MGA: variants seen among roughly 807,000 people sequenced by gnomAD.
MGA encodes MAX gene-associated protein.
Under a neutral mutation model 261.1 loss-of-function variants are expected in MGA, and 40 were observed. That is an observed-to-expected ratio of 0.15 (90% CI 0.12 to 0.20). The LOEUF (loss-of-function observed/expected upper bound fraction) is 0.20, where lower values mean the gene tolerates loss of function less well. Among genes scored for constraint, MGA ranks in the 10% least tolerant of loss-of-function variants. MGA has a pLI of 1.00. For synonymous variants in MGA, 1,302 were observed against 1,290.6 expected, an observed-to-expected ratio of 1.01 and a Z score of -0.19; for missense variants, 3,397 against 3,630.5, an observed-to-expected ratio of 0.94 and a Z score of 1.65.
chr15:41,622,091 G>GT (rs1305867788), intron 1 of MGA, among the ~76,000 whole-genome samples: 1 of 152,164 alleles, frequency 6.6e-6, no homozygotes, highest in Non-Finnish European at 1.5e-5. Context: ...CCGGCCTGTG[G>GT]TTTTCCAGCG....
rs17677991 is a variant in MGA at position 41,740,185 on chromosome 15, C to G, written c.4567C>G (p.Pro1523Ala). ...TGGGAAGAATCTGAAGGCGTTTGTCCCAGCAAAACGGCCAATTGGTAAGTT... is the reference window on the plus strand; with the variant it reads ...TGGGAAGAATCTGAAGGCGTTTGTCGCAGCAAAACGGCCAATTGGTAAGTT... The change falls in exon 14 of 24, where the codon CCA becomes GCA. Residue 1523 changes from proline to alanine, a missense_variant. Physicochemically the swap from Pro to Ala is conservative, Grantham distance 27. Around this residue, in one of 9 missense-constraint regions of MGA, gnomAD observed 1,410 missense variants for 1,386.4 expected, o/e 1.02. Coordinates refer to ENST00000219905, the MANE Select transcript of MGA (RefSeq NM_001164273.2). 549,758 of 1,613,328 alleles carry G rather than the reference C, an allele frequency of 0.34. 95,484 individuals carry two copies. Among genetic ancestry groups the G allele is most frequent in the Admixed American group, 0.41 (24,406 of 59,956 alleles).
chr15:41,732,276 T>C (rs930216465), intron 11 of MGA, among the ~76,000 whole-genome samples: 1 of 151,704 alleles, frequency 6.6e-6, no homozygotes, highest in Non-Finnish European at 1.5e-5. Context: ...GCCTCCCGAG[T>C]AGCTGGGACT....
chr15:41,682,783 A>G (rs2058745963), intron 2 of MGA, among the ~76,000 whole-genome samples: 1 of 152,064 alleles, frequency 6.6e-6, no homozygotes, highest in Admixed American at 6.6e-5. Flanking sequence ...ACCCGGCCTC[A>G]TGTACGTTCT....
At chr15:41,743,297 A>T in intron 15 of MGA, 125 bp downstream of exon 15, 1 of 1,213,984 alleles carries the variant, frequency 8.2e-7, no homozygotes. Flanking sequence ...AACATGATAC[A>T]TGTATTCCTG....
intron 1 of MGA, among the ~76,000 whole-genome samples, chr15:41,631,588 G>A (rs1323131519): frequency 2.0e-5 from 3 of 152,170 alleles, no homozygotes; most frequent in Admixed American, 6.5e-5. Flanking sequence ...GTGTGACAGA[G>A]GCACACTTTC....
At chr15:41,672,825 C>T (rs1272595355) in intron 2 of MGA, among the ~76,000 whole-genome samples, 2 of 151,776 alleles carry the variant, frequency 1.3e-5, no homozygotes, top group Admixed American at 1.3e-4. Context: ...ATTTGCCAAC[C>T]TCTGATTTAA....
At chr15:41,659,213 C>T (rs1036836309), upstream of MGA, among the ~76,000 whole-genome samples, 11 of 152,194 alleles carry the variant, frequency 7.2e-5, no homozygotes, top group Admixed American at 7.2e-4. Flanking sequence ...CCAGCAGTTT[C>T]TGTCAATGTT....
intron 2 of MGA, chr15:41,684,303 A>C: frequency 2.4e-6 from 1 of 418,948 alleles, no homozygotes; most frequent in East Asian, 7.1e-5. Flanking sequence ...ACACATTAAT[A>C]TGTAGTGTTA....
chr15:41,650,829 A>G (rs1046433210), intron 1 of MGA, among the ~76,000 whole-genome samples: 3 of 152,254 alleles, frequency 2.0e-5, no homozygotes, highest in Non-Finnish European at 4.4e-5. Context: ...TATCATGAAC[A>G]TCATGGACTT....
In MGA at chr15:41,696,760, G is replaced by C. The variant is rs2059565501; in HGVS notation, c.1750G>C (p.Gly584Arg). ...CTCACTTTCAGGAAAAGAGGACTTG[G>C]GCAGAAAGAGAACAACTATGCTTAA... Residue 584 changes from glycine to arginine, a missense_variant, in exon 3 of 24, where the codon GGC becomes CGC. Gly to Arg is a moderately radical substitution (Grantham distance 125). Transcript: ENST00000219905. 1 of 1,609,758 alleles carries C rather than the reference G, an allele frequency of 6.2e-7. No homozygotes were observed. The highest frequency in any genetic ancestry group is 1.1e-5 in the South Asian group (1 of 90,254).
chr15:41,686,741 TG>T (rs1415533079), intron 2 of MGA, among the ~76,000 whole-genome samples: 1 of 152,170 alleles, frequency 6.6e-6, no homozygotes, highest in Non-Finnish European at 1.5e-5. Context: ...AAATACCATA[TG>T]TTTTTTCTCC....
Position 41,727,322 on chromosome 15 carries a change from A to G in MGA, c.3573A>G (p.Pro1191=). 2 of 1,614,000 alleles carry G rather than the reference A, an allele frequency of 1.2e-6. No individual in the cohort carries two copies. The stretch of plus-strand genomic sequence containing the variant: ...TGAAACCATTGTTATTGCCTCAGCC[A>G]GAAGTTTTATCTCCTACTGTGAAGG... Residue 1191 remains proline, a synonymous_variant, in exon 10 of 24, where the codon CCA becomes CCG. Transcript: ENST00000219905.
intron 22 of MGA, among the ~76,000 whole-genome samples, chr15:41,762,642 A>AT (rs2063548224): frequency 6.6e-6 from 1 of 150,908 alleles, no homozygotes; most frequent in African/African-American, 2.4e-5. Context: ...TGTTTTTTTA[A>AT]TTTTTTAGTA....
chr15:41,682,348 G>A (rs1446708726), intron 2 of MGA, among the ~76,000 whole-genome samples: 1 of 152,058 alleles, frequency 6.6e-6, no homozygotes, highest in Non-Finnish European at 1.5e-5. Flanking sequence ...TACTTCTTCG[G>A]GAGCTCTTTA....
intron 10 of MGA, among the ~76,000 whole-genome samples, 158 bp from the exon 11 acceptor site, chr15:41,729,006 C>A (rs540603637): frequency 6.6e-6 from 1 of 152,214 alleles, no homozygotes; most frequent in Non-Finnish European, 1.5e-5. Flanking sequence ...CCCTAAGGTT[C>A]GGCACATATG....
intron 15 of MGA, among the ~76,000 whole-genome samples, chr15:41,748,436 C>G (rs914639535): frequency 1.2e-4 from 18 of 152,204 alleles, no homozygotes; most frequent in African/African-American, 4.3e-4. Flanking sequence ...CACCTGTAGT[C>G]GCAGCTACTC....
chr15:41,628,820 A>G (rs1414417224), intron 1 of MGA, among the ~76,000 whole-genome samples: 3 of 152,168 alleles, frequency 2.0e-5, no homozygotes. Context: ...TATGTTTTCA[A>G]AACATCGCTT....
intron 11 of MGA, 62 bp from the exon 12 acceptor site, chr15:41,734,460 A>T: frequency 1.5e-6 from 2 of 1,303,344 alleles, no homozygotes; most frequent in Non-Finnish European, 2.2e-6. Flanking sequence ...CTTGTGTCCA[A>T]GTTTCTGTGG....
chr15:41,752,359 A>G (rs1020039803), intron 17 of MGA: 1 of 152,176 alleles, frequency 6.6e-6, no homozygotes, highest in Non-Finnish European at 1.5e-5. Context: ...CCTTCTCTCC[A>G]TAGCCTAATC....
Sources: allele counts gnomAD v4.1 joint callset (sites outside exome capture counted in the v4.1 genomes callset), GRCh38; gene constraint gnomAD v4.1.1; regional missense constraint gnomAD v4.1.1; transcripts MANE v1.5; gene names NCBI Gene and HGNC (gene_info 2026-07-23, HGNC 2026-07-21).